The following CNTNAP2 variants were observed in gnomAD, a reference collection of about 807,000 sequenced individuals.
The protein encoded by CNTNAP2 is contactin-associated protein-like 2.
CNTNAP2 carries 98 observed loss-of-function variants against 155.2 expected under a neutral mutation model. The observed-to-expected ratio is 0.63, with a 90% CI of 0.54 to 0.75. The LOEUF is 0.75. Ranked by LOEUF, CNTNAP2 falls within the 30% of genes least tolerant of loss-of-function variation. The pLI is 0.00. For missense variants in CNTNAP2, 1,727 were observed against 1,688.1 expected, an observed-to-expected ratio of 1.02 and a Z score of -0.40; for synonymous variants, 651 against 631.2, an observed-to-expected ratio of 1.03 and a Z score of -0.47.
At position 147,388,866 on chromosome 7, in the gene CNTNAP2, ATTCT is replaced by A. The variant is rs772411727; in HGVS notation, c.1499-6737_1499-6734del. Among the ~76,000 whole-genome samples, 14 of 152,196 alleles carry A rather than the reference ATTCT, an allele frequency of 9.2e-5. 1 individual carries two copies. Among genetic ancestry groups the A allele is most frequent in the Admixed American group, 5.9e-4 (9 of 15,276 alleles). On this transcript the variant is annotated intron_variant, in intron 9 of 23. Transcript: ENST00000361727. ...AAGTGCTGAGATTACAGGCGTGAAC[ATTCT>A]TTCTTATGTTTCATATGTGTACCCT... is the stretch of plus-strand genomic sequence containing the variant.
At chr7:146,500,074 C>A (rs373569011) in intron 1 of CNTNAP2, among the ~76,000 whole-genome samples, 207 of 151,926 alleles carry the variant, frequency 1.4e-3, no homozygotes, top group African/African-American at 4.7e-3. Context: ...TCTTGCTGAA[C>A]TCATTTATTA....
At chr7:147,310,804 G>T (rs1249246014) in intron 9 of CNTNAP2, among the ~76,000 whole-genome samples, 1 of 152,204 alleles carries the variant, frequency 6.6e-6, no homozygotes, top group Non-Finnish European at 1.5e-5. Flanking sequence ...AATAGATACA[G>T]GGACCACTGC....
At chr7:147,365,024 T>G (rs908617376) in intron 9 of CNTNAP2, among the ~76,000 whole-genome samples, 6 of 152,190 alleles carry the variant, frequency 3.9e-5, no homozygotes, top group Admixed American at 3.9e-4. Flanking sequence ...TAGCAGCATA[T>G]AGACTATGTA....
In CNTNAP2 at chr7:147,066,408, A is replaced by G. The variant is rs555911831; in HGVS notation, c.550+22354A>G. 5.9e-5 allele frequency among the ~76,000 whole-genome samples: 9 copies of G among 152,344 alleles called. No individual in the cohort carries two copies. The South Asian group carries it at 1.4e-3, about 25-fold the overall frequency. ...CTTCTCCACGCTCATGGTTGGCTGA[A>G]GTTGCCTTCTAGATGGGCTTTCCTT... On this transcript the variant is annotated intron_variant, in intron 4 of 23. Transcript: ENST00000361727.
intron 2 of CNTNAP2, among the ~76,000 whole-genome samples, chr7:146,787,738 A>G (rs964662801): frequency 6.6e-6 from 1 of 152,056 alleles, no homozygotes; most frequent in Non-Finnish European, 1.5e-5. Context: ...CATCCTGCTG[A>G]TTGGTCCATT....
At chr7:147,936,469 A>G (rs1800610609) in intron 14 of CNTNAP2, among the ~76,000 whole-genome samples, 1 of 152,162 alleles carries the variant, frequency 6.6e-6, no homozygotes, top group Non-Finnish European at 1.5e-5. Flanking sequence ...TTTTGTATCT[A>G]GCAACCTGGA....
At chr7:146,572,478 T>C (rs985036143) in intron 1 of CNTNAP2, among the ~76,000 whole-genome samples, 7 of 152,074 alleles carry the variant, frequency 4.6e-5, no homozygotes, top group African/African-American at 1.7e-4. Context: ...ACATTGCTAT[T>C]AACCAAAACT....
chr7:146,180,612 C>T (rs1798536265), intron 1 of CNTNAP2, among the ~76,000 whole-genome samples: 3 of 152,280 alleles, frequency 2.0e-5, no homozygotes, highest in South Asian at 4.1e-4. Flanking sequence ...CTCCCACCTT[C>T]ATTCTTCCTC....
At chr7:146,980,534 T>G (rs1797994588) in intron 3 of CNTNAP2, among the ~76,000 whole-genome samples, 1 of 152,050 alleles carries the variant, frequency 6.6e-6, no homozygotes, top group Non-Finnish European at 1.5e-5. Context: ...TGAAAAGAGA[T>G]TTAATGGGCT....
intron 13 of CNTNAP2, among the ~76,000 whole-genome samples, chr7:147,762,020 G>A (rs1200593371): frequency 6.6e-6 from 1 of 152,108 alleles, no homozygotes. Context: ...GACACAGGGA[G>A]CTACGATGAA....
At chr7:146,470,216 G>A (rs1182359796) in intron 1 of CNTNAP2, among the ~76,000 whole-genome samples, 1 of 152,032 alleles carries the variant, frequency 6.6e-6, no homozygotes, top group Non-Finnish European at 1.5e-5. Flanking sequence ...TAAACATCAT[G>A]TTTTATTTTG....
chr7:148,275,576 T>C (rs1045739351), intron 21 of CNTNAP2, among the ~76,000 whole-genome samples: 1 of 152,058 alleles, frequency 6.6e-6, no homozygotes, highest in African/African-American at 2.4e-5. Flanking sequence ...CCAGGCAGGG[T>C]GTAAGAATGA....
chr7:147,759,527 CAAGG>C (rs2116516237), intron 13 of CNTNAP2, among the ~76,000 whole-genome samples: 1 of 152,292 alleles, frequency 6.6e-6, no homozygotes, highest in African/African-American at 2.4e-5. Context: ...TCAGATAACA[CAAGG>C]AACCAGACTG....
At chr7:147,644,010 G>A (rs1795326496) in intron 13 of CNTNAP2, among the ~76,000 whole-genome samples, 1 of 152,046 alleles carries the variant, frequency 6.6e-6, no homozygotes, top group Admixed American at 6.5e-5. Context: ...TAATGATTTT[G>A]CCAGTATTTA....
At chr7:148,161,334 C>T (rs895026083) in intron 17 of CNTNAP2, among the ~76,000 whole-genome samples, 1 of 152,158 alleles carries the variant, frequency 6.6e-6, no homozygotes, top group Non-Finnish European at 1.5e-5. Context: ...CCTGTCATTT[C>T]GCCTTCTGAG....
At chr7:146,286,580 A>G (rs763265909) in intron 1 of CNTNAP2, among the ~76,000 whole-genome samples, 1 of 152,066 alleles carries the variant, frequency 6.6e-6, no homozygotes, top group Non-Finnish European at 1.5e-5. Context: ...CAAAAATGTG[A>G]TTTTGCCACT....
chr7:146,133,099 G>A (rs1382571198), intron 1 of CNTNAP2, among the ~76,000 whole-genome samples: 4 of 149,324 alleles, frequency 2.7e-5, no homozygotes, highest in African/African-American at 7.6e-5. Flanking sequence ...TTTAATGATT[G>A]CCATTCTAAC....
chr7:147,799,686 A>G (rs1280315983), intron 13 of CNTNAP2, among the ~76,000 whole-genome samples: 1 of 152,208 alleles, frequency 6.6e-6, no homozygotes, highest in Non-Finnish European at 1.5e-5. Context: ...TCAGGCAAAG[A>G]CAAGATCCTG....
chr7:146,948,403 AT>A (rs1440994118), intron 3 of CNTNAP2, among the ~76,000 whole-genome samples: 1 of 151,632 alleles, frequency 6.6e-6, no homozygotes. Flanking sequence ...TGTTAAAATA[AT>A]TTCTGTTAAT....
Sources: gnomAD v4.1 joint callset for allele counts (sites outside exome capture counted in the v4.1 genomes callset) on GRCh38, gnomAD v4.1.1 for gene constraint, MANE v1.5 for transcripts, NCBI Gene and HGNC (gene_info 2026-07-23, HGNC 2026-07-21) for gene names.